Variants in GPC5 observed in about 807,000 individuals in gnomAD.
GPC5 encodes the protein glypican 5, also known as glypican-5.
Under a neutral mutation model 53.9 loss-of-function variants are expected in GPC5, and 47 were observed. The observed-to-expected ratio is 0.87, with a 90% CI of 0.69 to 1.11. GPC5 has a LOEUF of 1.11. Ranked by LOEUF, GPC5 falls within the 50% of genes most tolerant of loss-of-function variation. The probability of loss-of-function intolerance (pLI) is 0.00; values close to 1 mark genes in which losing one functional copy is unlikely to be tolerated. For synonymous variants in GPC5, 286 were observed against 263.3 expected (o/e 1.09, Z -0.84); for missense variants, 748 against 713.1 (o/e 1.05, Z -0.56).
intron 7 of GPC5, among the ~76,000 whole-genome samples, chr13:92,620,009 G>A (rs1253799774): frequency 3.3e-5 from 5 of 151,874 alleles, no homozygotes; most frequent in Non-Finnish European, 5.9e-5. Flanking sequence ...TTAGAAAGAC[G>A]GTTATAAAGA....
chr13:92,410,413 C>T (rs1875991220), intron 7 of GPC5, among the ~76,000 whole-genome samples: 1 of 152,178 alleles, frequency 6.6e-6, no homozygotes, highest in Non-Finnish European at 1.5e-5. Context: ...ACTAGGCACA[C>T]CTGGCATGAC....
chr13:92,182,095 T>C (rs9670546), intron 7 of GPC5, among the ~76,000 whole-genome samples: 10,057 of 152,234 alleles, frequency 0.066, 1,096 homozygotes, highest in African/African-American at 0.23. Context: ...TGTTTATTTA[T>C]TTATTTTTTT....
intron 7 of GPC5, among the ~76,000 whole-genome samples, chr13:92,734,804 G>T (rs533045323): frequency 1.2e-3 from 179 of 152,014 alleles, no homozygotes; most frequent in Non-Finnish European, 2.2e-3. Flanking sequence ...CACAGAAAAA[G>T]ATCCACAACA....
At chr13:92,839,538 G>A (rs1412989404) in intron 7 of GPC5, among the ~76,000 whole-genome samples, 2 of 148,332 alleles carry the variant, frequency 1.3e-5, no homozygotes, top group African/African-American at 5.2e-5. Context: ...CCACTTATAA[G>A]TGAAAACATG....
chr13:91,587,666 G>A (rs1407832906), intron 2 of GPC5, among the ~76,000 whole-genome samples: 1 of 152,058 alleles, frequency 6.6e-6, no homozygotes, highest in East Asian at 1.9e-4. Flanking sequence ...TTACATTTAT[G>A]TTTTGAAATA....
intron 2 of GPC5, among the ~76,000 whole-genome samples, chr13:91,677,721 A>T (rs574409042): frequency 6.6e-6 from 1 of 152,210 alleles, no homozygotes; most frequent in African/African-American, 2.4e-5. Flanking sequence ...AAGAAAATTC[A>T]TATTGTTTCT....
chr13:91,736,233 G>C (rs879724543), intron 4 of GPC5, among the ~76,000 whole-genome samples: 2 of 151,290 alleles, frequency 1.3e-5, no homozygotes, highest in Non-Finnish European at 2.9e-5. Context: ...AGTATGGCAG[G>C]AATTGAGGAA....
intron 2 of GPC5, among the ~76,000 whole-genome samples, chr13:91,560,749 A>G (rs2138905226): frequency 7.1e-6 from 1 of 140,004 alleles, no homozygotes; most frequent in African/African-American, 2.9e-5. Flanking sequence ...ACATGTATTA[A>G]TGTGATTTTT....
intron 7 of GPC5, among the ~76,000 whole-genome samples, chr13:92,535,849 C>G (rs956742827): frequency 3.3e-5 from 5 of 151,954 alleles, no homozygotes; most frequent in Admixed American, 6.6e-5. Context: ...TGGAATATAG[C>G]AAGTTTGAGG....
intron 5 of GPC5, among the ~76,000 whole-genome samples, chr13:91,777,063 A>C (rs2037722153): frequency 6.6e-6 from 1 of 152,156 alleles, no homozygotes; most frequent in South Asian, 2.1e-4. Context: ...TTATCCTATA[A>C]ACAATCAAAT....
At chr13:92,152,696 A>G (rs2041915694) in intron 7 of GPC5, among the ~76,000 whole-genome samples, 2 of 149,682 alleles carry the variant, frequency 1.3e-5, no homozygotes, top group Non-Finnish European at 3.0e-5. Flanking sequence ...CCCAGATCGC[A>G]CCACTGCATT....
At position 92,361,095 on chromosome 13, in the gene GPC5, G is replaced by A. The variant is rs76073483; in HGVS notation, c.1561+216106G>A. On this transcript the variant is annotated intron_variant, in intron 7 of 7. Transcript: ENST00000377067. ...GCCATATGGAAATGCAGCCATTGTCGCTGAATCTGCCATTTACTTAAGGAA... is the reference window on the plus strand; with the variant it reads ...GCCATATGGAAATGCAGCCATTGTCACTGAATCTGCCATTTACTTAAGGAA... Among the ~76,000 whole-genome samples, 835 of 151,846 alleles carry A rather than the reference G, an allele frequency of 5.5e-3. 35 individuals are homozygous for A. The highest frequency in any genetic ancestry group is 0.019 in the African/African-American group (782 of 41,154).
chr13:91,884,652 A>C (rs1008022312), intron 5 of GPC5, among the ~76,000 whole-genome samples: 3 of 152,240 alleles, frequency 2.0e-5, no homozygotes, highest in Admixed American at 2.0e-4. Flanking sequence ...TGTAATAAAT[A>C]GCTGAAAGGA....
chr13:91,755,602 G>A (rs1056191716), intron 4 of GPC5, among the ~76,000 whole-genome samples: 1 of 152,052 alleles, frequency 6.6e-6, no homozygotes, highest in Non-Finnish European at 1.5e-5. Context: ...CCTGCTTGTT[G>A]TTGAATTTTT....
intron 7 of GPC5, among the ~76,000 whole-genome samples, chr13:92,363,798 G>A (rs1262862650): frequency 1.3e-5 from 2 of 151,742 alleles, no homozygotes; most frequent in Admixed American, 6.5e-5. Context: ...AATGAACAAT[G>A]TCCAGCATAC....
intron 7 of GPC5, among the ~76,000 whole-genome samples, chr13:92,831,483 G>A (rs1458512327): frequency 6.6e-6 from 1 of 152,026 alleles, no homozygotes; most frequent in African/African-American, 2.4e-5. Context: ...AATATTTGAA[G>A]AAGTTATCAG....
intron 2 of GPC5, among the ~76,000 whole-genome samples, chr13:91,530,948 GGATA>G (rs1187609094): frequency 6.6e-6 from 1 of 152,130 alleles, no homozygotes; most frequent in Non-Finnish European, 1.5e-5. Flanking sequence ...ATCATGGTAT[GGATA>G]GATCTCTCAG....
At chr13:92,363,988 T>G (rs1316201578) in intron 7 of GPC5, among the ~76,000 whole-genome samples, 1 of 151,726 alleles carries the variant, frequency 6.6e-6, no homozygotes, top group African/African-American at 2.4e-5. Context: ...AACATGCTCA[T>G]GACTAGGAGA....
At chr13:92,780,939 G>A (rs1876004147) in intron 7 of GPC5, among the ~76,000 whole-genome samples, 1 of 151,584 alleles carries the variant, frequency 6.6e-6, no homozygotes, top group Non-Finnish European at 1.5e-5. Flanking sequence ...TCATTCTTTT[G>A]GGAAAATTAT....
Sources: gnomAD v4.1 joint callset for allele counts (sites outside exome capture counted in the v4.1 genomes callset) on GRCh38, gnomAD v4.1.1 for gene constraint, MANE v1.5 for transcripts, NCBI Gene and HGNC (gene_info 2026-07-23, HGNC 2026-07-21) for gene names.